The following SLC25A21 variants were observed in gnomAD, a reference collection of about 807,000 sequenced individuals.
SLC25A21 encodes the protein solute carrier family 25 member 21, also known as mitochondrial 2-oxodicarboxylate carrier.
Under a neutral mutation model 43.8 loss-of-function variants are expected in SLC25A21, and 47 were observed. That is an observed-to-expected ratio of 1.07 (90% CI 0.85 to 1.37). SLC25A21 has a LOEUF of 1.37. Ranked by LOEUF, SLC25A21 falls within the 40% of genes most tolerant of loss-of-function variation. The pLI is 0.00. For synonymous variants in SLC25A21, 131 were observed against 121.3 expected, an observed-to-expected ratio of 1.08 and a Z score of -0.52; for missense variants, 352 against 350.2, an observed-to-expected ratio of 1.00 and a Z score of -0.04.
intron 1 of SLC25A21, among the ~76,000 whole-genome samples, chr14:36,942,903 C>T (rs1026121141): frequency 6.6e-6 from 1 of 152,146 alleles, no homozygotes; most frequent in Non-Finnish European, 1.5e-5. Flanking sequence ...TCCTTCATGG[C>T]ACTTTTTAGT....
At chr14:36,744,043 A>G (rs1488416213) in intron 3 of SLC25A21, among the ~76,000 whole-genome samples, 2 of 152,158 alleles carry the variant, frequency 1.3e-5, no homozygotes, top group Non-Finnish European at 2.9e-5. Context: ...CATAGATGAC[A>G]CAAACAAGTG....
intron 1 of SLC25A21, among the ~76,000 whole-genome samples, chr14:36,875,620 T>C (rs1461476508): frequency 5.9e-5 from 9 of 152,214 alleles, no homozygotes. Flanking sequence ...AAGAACTTTA[T>C]GTGATAGAAT....
At chr14:37,002,046 G>A (rs1960500904) in intron 1 of SLC25A21, among the ~76,000 whole-genome samples, 1 of 152,090 alleles carries the variant, frequency 6.6e-6, no homozygotes, top group Non-Finnish European at 1.5e-5. Context: ...TATTCATCAT[G>A]CTCAAGGCAC....
chr14:37,072,139 G>A (rs924580416), intron 1 of SLC25A21, among the ~76,000 whole-genome samples: 1 of 134,440 alleles, frequency 7.4e-6, no homozygotes, highest in Non-Finnish European at 1.5e-5. Context: ...CCAAGATTGC[G>A]CCACTGCACT....
At chr14:36,934,477 A>C (rs1269697174) in intron 1 of SLC25A21, among the ~76,000 whole-genome samples, 1 of 151,946 alleles carries the variant, frequency 6.6e-6, no homozygotes, top group African/African-American at 2.4e-5. Flanking sequence ...AGTAAAAAAA[A>C]AAAAAAAAGC....
intron 1 of SLC25A21, among the ~76,000 whole-genome samples, chr14:37,056,881 A>G (rs1961842354): frequency 6.6e-6 from 1 of 152,208 alleles, no homozygotes; most frequent in Admixed American, 6.5e-5. Context: ...TTAACCCTGG[A>G]TCCATAAAGA....
intron 1 of SLC25A21, among the ~76,000 whole-genome samples, chr14:37,079,914 G>T (rs1962352631): frequency 6.6e-6 from 1 of 152,158 alleles, no homozygotes; most frequent in African/African-American, 2.4e-5. Context: ...GCTCACAAGG[G>T]TGGAGCCTCA....
At chr14:36,746,279 A>T (rs1885492760) in intron 3 of SLC25A21, among the ~76,000 whole-genome samples, 1 of 152,146 alleles carries the variant, frequency 6.6e-6, no homozygotes. Flanking sequence ...CAAAGAATGA[A>T]ATCATGTCTT....
chr14:36,791,233 C>T (rs1475644783), intron 3 of SLC25A21, among the ~76,000 whole-genome samples: 1 of 152,134 alleles, frequency 6.6e-6, no homozygotes, highest in Non-Finnish European at 1.5e-5. Flanking sequence ...CTAGGCAACA[C>T]ATTATAAATG....
intron 1 of SLC25A21, among the ~76,000 whole-genome samples, chr14:37,171,110 A>T: frequency 9.1e-5 from 1 of 11,036 alleles, no homozygotes; most frequent in East Asian, 6.0e-3. Context: ...GAAAAGAAAA[A>T]GGGGGGAGGG....
At chr14:37,032,033 A>G (rs1961221825) in intron 1 of SLC25A21, among the ~76,000 whole-genome samples, 1 of 152,200 alleles carries the variant, frequency 6.6e-6, no homozygotes, top group Non-Finnish European at 1.5e-5. Flanking sequence ...ACTCAGTCAC[A>G]GCGTTTGCTC....
chr14:36,804,610 T>A (rs999572725), intron 3 of SLC25A21, among the ~76,000 whole-genome samples: 2 of 152,140 alleles, frequency 1.3e-5, no homozygotes, highest in Admixed American at 1.3e-4. Flanking sequence ...ATCATAACAA[T>A]ACTGTCAGAA....
intron 1 of SLC25A21, among the ~76,000 whole-genome samples, chr14:37,108,116 T>A (rs1195798088): frequency 1.3e-5 from 2 of 152,212 alleles, no homozygotes; most frequent in Non-Finnish European, 2.9e-5. Flanking sequence ...GTTCTCTTTT[T>A]GCCTCCCAAG....
At chr14:37,068,147 T>C (rs10133673) in intron 1 of SLC25A21, among the ~76,000 whole-genome samples, 4,676 of 152,304 alleles carry the variant, frequency 0.031, 264 homozygotes, top group East Asian at 0.26. Flanking sequence ...GTCACCACAT[T>C]GTGGACTTGT....
At chr14:36,708,176 G>C (rs1883660252) in intron 7 of SLC25A21, among the ~76,000 whole-genome samples, 1 of 152,204 alleles carries the variant, frequency 6.6e-6, no homozygotes, top group African/African-American at 2.4e-5. Flanking sequence ...GGATGGGAGT[G>C]AGGAAATGAG....
chr14:37,022,618 C>T (rs542311959), intron 1 of SLC25A21, among the ~76,000 whole-genome samples: 7 of 151,920 alleles, frequency 4.6e-5, no homozygotes, highest in African/African-American at 1.7e-4. Context: ...ATTTTGTCTA[C>T]GAGTTTTGCT....
intron 1 of SLC25A21, among the ~76,000 whole-genome samples, chr14:37,147,839 C>CT (rs1566913739): frequency 2.3e-5 from 1 of 42,582 alleles, no homozygotes; most frequent in Non-Finnish European, 5.4e-5. Flanking sequence ...TCTTTTTTTT[C>CT]TTTTCTTTTT....
At chr14:37,026,538 C>G (rs547276816) in intron 1 of SLC25A21, among the ~76,000 whole-genome samples, 116 of 152,212 alleles carry the variant, frequency 7.6e-4, no homozygotes, top group Non-Finnish European at 1.5e-3. Context: ...TACCCCAACC[C>G]AAACCAGCAT....
intron 2 of SLC25A21, among the ~76,000 whole-genome samples, chr14:36,847,790 C>T (rs1889592897): frequency 6.6e-6 from 1 of 152,184 alleles, no homozygotes; most frequent in South Asian, 2.1e-4. Flanking sequence ...AGAAGGGCTG[C>T]CTGCAGCCTT....
Sources: gnomAD v4.1 joint callset for allele counts (sites outside exome capture counted in the v4.1 genomes callset) on GRCh38, gnomAD v4.1.1 for gene constraint, MANE v1.5 for transcripts, NCBI Gene and HGNC (gene_info 2026-07-23, HGNC 2026-07-21) for gene names.